C3orf20: variants seen among roughly 807,000 people sequenced by gnomAD.
C3orf20 encodes the protein family with sequence similarity 149 member C, also known as uncharacterized protein C3orf20.
Under a neutral mutation model 88.3 loss-of-function variants are expected in C3orf20, and 76 were observed. That is an observed-to-expected ratio of 0.86 (90% confidence interval 0.72 to 1.04). The LOEUF is 1.04. Ranked by LOEUF, C3orf20 falls within the 50% of genes least tolerant of loss-of-function variation. The pLI is 0.00. For missense variants in C3orf20, 1,056 were observed against 1,123.3 expected, an observed-to-expected ratio of 0.94 and a Z score of 0.86; for synonymous variants, 436 against 437.4, an observed-to-expected ratio of 1.00 and a Z score of 0.04.
chr3:14,685,233 G>A (rs909691662), intron 4 of C3orf20, among the ~76,000 whole-genome samples: 2 of 152,120 alleles, frequency 1.3e-5, no homozygotes, highest in Non-Finnish European at 2.9e-5. Context: ...GGAAGCTGTG[G>A]GAGGATATTA....
Position 14,746,779 on chromosome 3 carries a change from A to G in C3orf20, c.1941-10592A>G, listed in dbSNP as rs114719851. Among the ~76,000 whole-genome samples, 111 of 152,326 alleles carry G rather than the reference A, an allele frequency of 7.3e-4. 1 individual carries two copies. The highest frequency in any genetic ancestry group is 2.6e-3 in the African/African-American group (106 of 41,562). ...TTGTCATTGAGTTCTGTCTTCTTAG[A>G]TCCATGGGCATTAAGCAATCATCTC... On this transcript the variant is annotated intron_variant, in intron 12 of 16. Transcript: ENST00000253697.
At chr3:14,695,000 AG>A (rs1326043518) in intron 5 of C3orf20, among the ~76,000 whole-genome samples, 2 of 152,156 alleles carry the variant, frequency 1.3e-5, no homozygotes, top group African/African-American at 2.4e-5. Context: ...CATGTTGACC[AG>A]GCTGGTCTTG....
chr3:14,692,509 C>T (rs904607887), intron 5 of C3orf20, among the ~76,000 whole-genome samples: 1 of 152,106 alleles, frequency 6.6e-6, no homozygotes, highest in Non-Finnish European at 1.5e-5. Flanking sequence ...ATGTTGGGCA[C>T]CTTTTCATAT....
At chr3:14,702,326 C>G (rs973755126) in intron 5 of C3orf20, among the ~76,000 whole-genome samples, 1 of 152,142 alleles carries the variant, frequency 6.6e-6, no homozygotes, top group African/African-American at 2.4e-5. Context: ...CTGGGTCCCT[C>G]CCACAACAAA....
intron 5 of C3orf20, among the ~76,000 whole-genome samples, chr3:14,692,328 TCTC>T (rs2032774907): frequency 6.6e-6 from 1 of 152,194 alleles, no homozygotes. Flanking sequence ...CCCAAACTGT[TCTC>T]CATAGTGGTT....
intron 12 of C3orf20, among the ~76,000 whole-genome samples, chr3:14,737,430 G>C (rs1471148470): frequency 6.6e-6 from 1 of 152,042 alleles, no homozygotes; most frequent in East Asian, 1.9e-4. Context: ...AAATTTTTTG[G>C]TTTTCCAGTA....
intron 12 of C3orf20, among the ~76,000 whole-genome samples, chr3:14,730,273 T>C (rs572872071): frequency 2.0e-5 from 3 of 152,254 alleles, no homozygotes; most frequent in East Asian, 3.9e-4. Context: ...TTAGGCCGGG[T>C]GCGGTGGCCC....
At chr3:14,739,498 T>C (rs548488004) in intron 12 of C3orf20, among the ~76,000 whole-genome samples, 14 of 152,350 alleles carry the variant, frequency 9.2e-5, no homozygotes, top group Admixed American at 5.2e-4. Context: ...TTTAGCATCA[T>C]TCTTAAGGGC....
At chr3:14,754,520 A>T (rs1034689640) in intron 12 of C3orf20, among the ~76,000 whole-genome samples, 2 of 152,236 alleles carry the variant, frequency 1.3e-5, no homozygotes, top group Non-Finnish European at 2.9e-5. Flanking sequence ...AAAATTTAGC[A>T]GCATCTTTCT....
At chr3:14,735,012 G>A (rs1219631471) in intron 12 of C3orf20, among the ~76,000 whole-genome samples, 1 of 151,234 alleles carries the variant, frequency 6.6e-6, no homozygotes, top group African/African-American at 2.4e-5. Context: ...TCAGTTTTCT[G>A]GTTATTTTTC....
chr3:14,771,643 C>T (rs75035362), intron 15 of C3orf20, among the ~76,000 whole-genome samples: 3 of 152,240 alleles, frequency 2.0e-5, no homozygotes, highest in African/African-American at 7.2e-5. Flanking sequence ...TCTGCAGCGA[C>T]CCTATTTCCA....
In C3orf20 at chr3:14,682,953, C is replaced by T. The variant is rs373631957; in HGVS notation, c.240C>T (p.Leu80=). The part of the protein sequence containing the change: ...EVSFGAPLVV[L]MEPTFVQVPT... ...GCTTTGGAGCCCCCCTGGTGGTGCT[C>T]ATGGAACCCACCTTTGTGCAGGTCC... Residue 80 remains leucine (L), a synonymous_variant, in exon 3 of 17, where the codon CTC becomes CTT. Coordinates refer to ENST00000253697, the MANE Select transcript of C3orf20 (RefSeq NM_032137.5). The T allele has an allele frequency of 3.1e-6, 5 of 1,614,064 alleles. No individual in the cohort carries two copies. In the African/African-American group the frequency reaches 4.0e-5, roughly 13 times the overall value.
chr3:14,703,360 G>T, intron 6 of C3orf20, 98 bp downstream of exon 6: 1 of 1,558,314 alleles, frequency 6.4e-7, no homozygotes, highest in Non-Finnish European at 8.7e-7. Context: ...GACAGTCACA[G>T]AAGTGTGTGA....
chr3:14,709,819 G>A (rs2033668889), intron 7 of C3orf20, among the ~76,000 whole-genome samples: 1 of 152,120 alleles, frequency 6.6e-6, no homozygotes, highest in Admixed American at 6.5e-5. Context: ...TAAGGGATAT[G>A]GGAAGTTTTC....
At chr3:14,709,508 A>T (rs2033655268) in intron 7 of C3orf20, among the ~76,000 whole-genome samples, 1 of 152,176 alleles carries the variant, frequency 6.6e-6, no homozygotes, top group South Asian at 2.1e-4. Context: ...GAGTTTTTTC[A>T]TATATGGCTC....
chr3:14,748,686 C>T (rs1162647071), intron 12 of C3orf20, among the ~76,000 whole-genome samples: 2 of 152,014 alleles, frequency 1.3e-5, no homozygotes, highest in Non-Finnish European at 2.9e-5. Context: ...TCTAATTTCC[C>T]TTGAGATTCC....
intron 5 of C3orf20, among the ~76,000 whole-genome samples, chr3:14,697,097 T>G (rs2033037347): frequency 6.6e-6 from 1 of 152,188 alleles, no homozygotes; most frequent in African/African-American, 2.4e-5. Flanking sequence ...GCTTTTAGGA[T>G]CCTTTTTTAG....
chr3:14,733,967 G>A (rs755029087), intron 12 of C3orf20, among the ~76,000 whole-genome samples: 6 of 152,276 alleles, frequency 3.9e-5, no homozygotes, highest in East Asian at 1.9e-4. Flanking sequence ...GATTATAGGC[G>A]TGAGCCACTG....
At chr3:14,754,620 A>C (rs2035310569) in intron 12 of C3orf20, among the ~76,000 whole-genome samples, 1 of 152,212 alleles carries the variant, frequency 6.6e-6, no homozygotes, top group African/African-American at 2.4e-5. Flanking sequence ...TGCCAGCTTC[A>C]TTGTTGATCT....
Sources: allele counts gnomAD v4.1 joint callset (sites outside exome capture counted in the v4.1 genomes callset), GRCh38; gene constraint gnomAD v4.1.1; transcripts MANE v1.5; gene names NCBI Gene and HGNC (gene_info 2026-07-23, HGNC 2026-07-21).